Variants in MGAT4C observed in about 807,000 individuals in gnomAD.
MGAT4C encodes MGAT4 family member C.
A neutral mutation model predicts 40.1 loss-of-function variants in MGAT4C; 19 were observed. The ratio of observed to expected loss-of-function variants is 0.47; its 90% CI spans 0.33 to 0.70. MGAT4C has a LOEUF of 0.70. Among genes scored for constraint, MGAT4C ranks in the 30% least tolerant of loss-of-function variants. The probability of loss-of-function intolerance (pLI) is 0.02; values close to 1 mark genes in which losing one functional copy is unlikely to be tolerated. For missense variants in MGAT4C, 491 were observed against 563.2 expected, an observed-to-expected ratio of 0.87 and a Z score of 1.30; for synonymous variants, 181 against 187.1, an observed-to-expected ratio of 0.97 and a Z score of 0.27.
chr12:86,749,340 A>C (rs560253128), intron 1 of MGAT4C, among the ~76,000 whole-genome samples: 1 of 151,860 alleles, frequency 6.6e-6, no homozygotes, highest in Non-Finnish European at 1.5e-5. Context: ...TAATTGTATT[A>C]TATTGCATTA....
chr12:86,456,433 A>C (rs915239539), intron 2 of MGAT4C, among the ~76,000 whole-genome samples: 1 of 152,118 alleles, frequency 6.6e-6, no homozygotes. Flanking sequence ...GTGTTTCAAA[A>C]ACCATCCTTG....
intron 1 of MGAT4C, among the ~76,000 whole-genome samples, chr12:86,249,573 T>C (rs867748861): frequency 6.6e-6 from 1 of 152,174 alleles, no homozygotes; most frequent in South Asian, 2.1e-4. Flanking sequence ...AATTTAAACA[T>C]CCAGCCAAGG....
intron 1 of MGAT4C, among the ~76,000 whole-genome samples, chr12:86,067,617 T>G (rs1323264924): frequency 6.6e-6 from 1 of 152,092 alleles, no homozygotes; most frequent in East Asian, 1.9e-4. Context: ...GATGACGGGT[T>G]GATGGGTGCA....
intron 1 of MGAT4C, among the ~76,000 whole-genome samples, chr12:86,168,119 A>G (rs1416525698): frequency 6.6e-6 from 1 of 152,188 alleles, no homozygotes; most frequent in Non-Finnish European, 1.5e-5. Flanking sequence ...TAAATTTAGA[A>G]TTTATTCAAG....
intron 1 of MGAT4C, among the ~76,000 whole-genome samples, chr12:86,229,652 C>A (rs1951235252): frequency 6.6e-6 from 1 of 151,810 alleles, no homozygotes; most frequent in Non-Finnish European, 1.5e-5. Context: ...AAGTAGCTTA[C>A]AATCTAGTAA....
intron 1 of MGAT4C, among the ~76,000 whole-genome samples, chr12:86,752,352 A>G (rs1449357152): frequency 1.3e-5 from 2 of 152,072 alleles, no homozygotes; most frequent in African/African-American, 4.8e-5. Context: ...ATACACAAAT[A>G]CCACACTCTC....
intron 1 of MGAT4C, among the ~76,000 whole-genome samples, chr12:86,777,023 G>A (rs968075423): frequency 1.3e-5 from 2 of 151,970 alleles, no homozygotes; most frequent in African/African-American, 2.4e-5. Context: ...CCACTTCTTC[G>A]TGAAATAAAT....
intron 2 of MGAT4C, among the ~76,000 whole-genome samples, chr12:86,696,479 T>A (rs1950261371): frequency 6.6e-6 from 1 of 152,180 alleles, no homozygotes; most frequent in Admixed American, 6.5e-5. Flanking sequence ...TTCACTTAAG[T>A]ACGCTTTAAG....
intron 2 of MGAT4C, among the ~76,000 whole-genome samples, chr12:86,510,377 T>G (rs904299815): frequency 7.2e-5 from 11 of 152,136 alleles, no homozygotes; most frequent in African/African-American, 2.7e-4. Flanking sequence ...TACTAGCCAC[T>G]GCAAAAAAAT....
At chr12:86,050,455 C>G (rs1270575526) in intron 1 of MGAT4C, among the ~76,000 whole-genome samples, 1 of 151,980 alleles carries the variant, frequency 6.6e-6, no homozygotes, top group East Asian at 1.9e-4. Flanking sequence ...TTTGTATTAT[C>G]TTTTCCCACT....
intron 3 of MGAT4C, among the ~76,000 whole-genome samples, chr12:86,395,547 T>C (rs1404248997): frequency 6.6e-6 from 1 of 152,170 alleles, no homozygotes; most frequent in Non-Finnish European, 1.5e-5. Context: ...CATTTCAAAG[T>C]TGTATTCAAG....
rs1481672535 is a variant in MGAT4C at position 86,089,403 on chromosome 12, A to G, written c.-56-39680T>C. Among the ~76,000 whole-genome samples, 4 of 151,936 alleles carry G rather than the reference A, an allele frequency of 2.6e-5. No homozygotes were observed. The East Asian group carries it at 5.8e-4, about 22-fold the overall frequency. On this transcript the variant is annotated intron_variant, in intron 1 of 4. Transcript: ENST00000611864. ...CAGATTTTGTGTCTGTTCTATAAAC[A>G]TAGTACAATAACATGTACATGCAGT...
chr12:86,751,080 T>C (rs1951225310), intron 1 of MGAT4C, among the ~76,000 whole-genome samples: 1 of 151,904 alleles, frequency 6.6e-6, no homozygotes. Flanking sequence ...ATTAAGAACT[T>C]AGAACACCAG....
intron 2 of MGAT4C, among the ~76,000 whole-genome samples, chr12:86,472,432 A>C (rs1255434657): frequency 2.0e-5 from 3 of 152,118 alleles, no homozygotes; most frequent in Non-Finnish European, 4.4e-5. Flanking sequence ...TATTTCTCTA[A>C]CATCTGAGGT....
intron 2 of MGAT4C, among the ~76,000 whole-genome samples, chr12:86,622,403 T>C (rs890828211): frequency 9.2e-5 from 14 of 152,078 alleles, no homozygotes; most frequent in African/African-American, 3.4e-4. Flanking sequence ...GAAACTACAC[T>C]AGGTCATAGA....
intron 1 of MGAT4C, among the ~76,000 whole-genome samples, chr12:86,789,112 A>G (rs957744891): frequency 1.3e-5 from 2 of 152,134 alleles, no homozygotes; most frequent in African/African-American, 2.4e-5. Flanking sequence ...CAAAGGACTT[A>G]TTTTTATGAT....
intron 3 of MGAT4C, among the ~76,000 whole-genome samples, chr12:86,427,537 C>A (rs1956953683): frequency 1.3e-5 from 2 of 152,110 alleles, no homozygotes; most frequent in African/African-American, 4.8e-5. Context: ...CTAGCACACA[C>A]ATGCACATGT....
At chr12:86,373,206 T>G (rs1309215771) in intron 3 of MGAT4C, among the ~76,000 whole-genome samples, 1 of 151,886 alleles carries the variant, frequency 6.6e-6, no homozygotes, top group African/African-American at 2.4e-5. Flanking sequence ...GGTTAAGATT[T>G]AAAAGGAAAC....
intron 2 of MGAT4C, among the ~76,000 whole-genome samples, chr12:86,541,805 A>C (rs918309303): frequency 6.6e-6 from 1 of 152,172 alleles, no homozygotes; most frequent in African/African-American, 2.4e-5. Context: ...TTTCACTCCC[A>C]CCTTAAGCTT....
Sources: allele counts gnomAD v4.1 joint callset (sites outside exome capture counted in the v4.1 genomes callset), GRCh38; gene constraint gnomAD v4.1.1; transcripts MANE v1.5; gene names NCBI Gene and HGNC (gene_info 2026-07-23, HGNC 2026-07-21).